SLC24A2: variants seen among roughly 807,000 people sequenced by gnomAD.
SLC24A2 encodes sodium/potassium/calcium exchanger 2.
SLC24A2 carries 36 observed loss-of-function variants against 62.0 expected under a neutral mutation model. The observed-to-expected ratio is 0.58, with a 90% confidence interval of 0.44 to 0.77. The LOEUF is 0.77. SLC24A2 is among the 30% of genes least tolerant of loss of function. The pLI is 0.00. For missense variants in SLC24A2, 846 were observed against 817.9 expected (o/e 1.03, Z -0.42); for synonymous variants, 358 against 294.0 (o/e 1.22, Z -2.23).
the SLC24A2 span, among the ~76,000 whole-genome samples, chr9:20,143,907 C>G: frequency 6.6e-6 from 1 of 152,318 alleles, no homozygotes; most frequent in East Asian, 1.9e-4. Context: ...ATTCACTCAA[C>G]ACTGCCGTGC....
chr9:20,231,718 C>A, the SLC24A2 span, among the ~76,000 whole-genome samples: 3 of 152,106 alleles, frequency 2.0e-5, no homozygotes, highest in Non-Finnish European at 4.4e-5. Context: ...TAATTGAATA[C>A]CCTTTATTTC....
chr9:19,882,383 T>G, the SLC24A2 span, among the ~76,000 whole-genome samples: 1 of 152,204 alleles, frequency 6.6e-6, no homozygotes, highest in Admixed American at 6.5e-5. Context: ...CCTTCTGAAA[T>G]TTTTATGTTC....
chr9:20,277,407 C>T, the SLC24A2 span, among the ~76,000 whole-genome samples: 2 of 151,512 alleles, frequency 1.3e-5, no homozygotes, highest in African/African-American at 2.4e-5. Flanking sequence ...TCAAACAACC[C>T]CATCAAAAAG....
chr9:20,027,794 C>G, the SLC24A2 span, among the ~76,000 whole-genome samples: 1 of 152,020 alleles, frequency 6.6e-6, no homozygotes, highest in Admixed American at 6.6e-5. Context: ...ATGCTCTCAC[C>G]ACAGAAATGA....
chr9:19,943,131 T>C, the SLC24A2 span, among the ~76,000 whole-genome samples: 1 of 152,214 alleles, frequency 6.6e-6, no homozygotes, highest in African/African-American at 2.4e-5. Context: ...ATAATGCTTT[T>C]AATGCATACC....
chr9:20,052,679 C>G, the SLC24A2 span, among the ~76,000 whole-genome samples: 1 of 152,204 alleles, frequency 6.6e-6, no homozygotes, highest in South Asian at 2.1e-4. Flanking sequence ...CTCCAATTGT[C>G]ATGCCCTGAC....
chr9:20,013,582 C>G, the SLC24A2 span, among the ~76,000 whole-genome samples: 2 of 152,120 alleles, frequency 1.3e-5, no homozygotes, highest in African/African-American at 4.8e-5. Flanking sequence ...AACTAAAAAG[C>G]TTTTGCACAG....
chr9:19,547,824 AAGAG>A (rs144102670), intron 8 of SLC24A2, among the ~76,000 whole-genome samples: 1 of 150,786 alleles, frequency 6.6e-6, no homozygotes, highest in Non-Finnish European at 1.5e-5. Context: ...ACAGCAGAGC[AAGAG>A]AGAGAGAGAG....
the SLC24A2 span, among the ~76,000 whole-genome samples, chr9:19,970,224 G>A: frequency 2.1e-4 from 32 of 152,254 alleles, no homozygotes; most frequent in African/African-American, 7.7e-4. Flanking sequence ...AAGTGGAAGG[G>A]AACCCTTTCT....
At chr9:20,158,131 G>A in the SLC24A2 span, among the ~76,000 whole-genome samples, 1 of 151,650 alleles carries the variant, frequency 6.6e-6, no homozygotes, top group Non-Finnish European at 1.5e-5. Context: ...AATGGATATG[G>A]AAAGAAACAG....
the SLC24A2 span, among the ~76,000 whole-genome samples, chr9:20,283,408 A>G: frequency 0.15 from 22,129 of 152,106 alleles, 1,707 homozygotes; most frequent in Middle Eastern, 0.25. Flanking sequence ...GGCAATTCGT[A>G]TGGACTCTAG....
chr9:19,713,294 G>C (rs1453621067), intron 2 of SLC24A2, among the ~76,000 whole-genome samples: 1 of 152,088 alleles, frequency 6.6e-6, no homozygotes. Flanking sequence ...CATTCTGGGA[G>C]AATGGACACA....
chr9:19,991,389 T>A, the SLC24A2 span, among the ~76,000 whole-genome samples: 1 of 152,172 alleles, frequency 6.6e-6, no homozygotes, highest in Non-Finnish European at 1.5e-5. Context: ...CCTGCTTTTA[T>A]CCTAGCTGCT....
At chr9:19,631,502 T>G (rs1471720355) in intron 2 of SLC24A2, among the ~76,000 whole-genome samples, 2 of 152,214 alleles carry the variant, frequency 1.3e-5, no homozygotes, top group Non-Finnish European at 2.9e-5. Context: ...CCATTTTGCC[T>G]GCTTTGTTGG....
chr9:19,667,176 G>C (rs1411827919), intron 2 of SLC24A2, among the ~76,000 whole-genome samples: 2 of 152,104 alleles, frequency 1.3e-5, no homozygotes, highest in Non-Finnish European at 1.5e-5. Context: ...CATAACGAAA[G>C]AAAGAAGTTG....
chr9:19,974,708 T>G, the SLC24A2 span, among the ~76,000 whole-genome samples: 3 of 152,198 alleles, frequency 2.0e-5, no homozygotes, highest in African/African-American at 4.8e-5. Context: ...TGCTGTCACT[T>G]AGGTTGAATC....
intron 2 of SLC24A2, among the ~76,000 whole-genome samples, chr9:19,766,973 C>G (rs1046871302): frequency 6.6e-6 from 1 of 152,214 alleles, no homozygotes; most frequent in African/African-American, 2.4e-5. Context: ...TGCTACCTTT[C>G]TTTCAGTGAT....
chr9:20,087,776 G>A, the SLC24A2 span, among the ~76,000 whole-genome samples: 12,351 of 152,170 alleles, frequency 0.081, 828 homozygotes, highest in African/African-American at 0.18. Flanking sequence ...AACACCTTCA[G>A]CTGAAACATC....
the SLC24A2 span, among the ~76,000 whole-genome samples, chr9:20,145,924 CATTTT>C: frequency 2.5e-5 from 3 of 119,568 alleles, no homozygotes; most frequent in Non-Finnish European, 5.3e-5. Flanking sequence ...TTTATATTAA[CATTTT>C]ATTTTGTATA....
Sources: gnomAD v4.1 joint callset for allele counts (sites outside exome capture counted in the v4.1 genomes callset) on GRCh38, gnomAD v4.1.1 for gene constraint, MANE v1.5 for transcripts, NCBI Gene and HGNC (gene_info 2026-07-23, HGNC 2026-07-21) for gene names.